Variants in NF1 observed in about 807,000 individuals in gnomAD.
NF1 encodes neurofibromin 1, also known as neurofibromin.
Under a neutral mutation model 325.7 loss-of-function variants are expected in NF1, and 122 were observed. That is an observed-to-expected ratio of 0.37 (90% CI 0.32 to 0.44). The LOEUF (loss-of-function observed/expected upper bound fraction) is 0.44, where lower values mean the gene tolerates loss of function less well. NF1 is among the 20% of genes least tolerant of loss of function. The pLI, the probability that NF1 is intolerant of heterozygous loss-of-function variation, is 1.00. For synonymous variants in NF1, 1,091 were observed against 1,186.0 expected (o/e 0.92, Z 1.65); for missense variants, 2,140 against 3,415.4 (o/e 0.63, Z 9.31).
rs2151426839 is a variant in NF1 at position 31,227,221 on chromosome 17, G to A, written c.2255G>A (p.Arg752Lys). The change falls in exon 19 of 58, where the codon AGA (arginine) becomes AAA (lysine). Residue 752 changes from arginine to lysine, a missense_variant. Physicochemically the swap from Arg to Lys is conservative, Grantham distance 26. Around this residue, in one of 10 missense-constraint regions of NF1, gnomAD observed 380 missense variants for 639.3 expected, o/e 0.59. Coordinates refer to ENST00000358273, the MANE Select transcript of NF1 (RefSeq NM_001042492.3). ...ATTTGCTGTTGTATTTGCTTAGGAAGAGCAGCACTTCAGAAAAGAGTGATG... is the reference window on the plus strand; with the variant it reads ...ATTTGCTGTTGTATTTGCTTAGGAAAAGCAGCACTTCAGAAAAGAGTGATG... ...ASVSNMMSTG[R>K]AALQKRVMAL... is the part of the protein sequence containing the mutation. 6.2e-7 allele frequency: 1 copy of A among 1,613,626 alleles called. No individual in the cohort carries two copies. Among genetic ancestry groups the A allele is most frequent in the Non-Finnish European group, 8.5e-7 (1 of 1,179,662 alleles).
chr17:31,324,483 A>G (rs984678303), intron 36 of NF1, among the ~76,000 whole-genome samples: 14 of 152,250 alleles, frequency 9.2e-5, no homozygotes, highest in African/African-American at 2.9e-4. Flanking sequence ...TGAAATATAC[A>G]ATGTTATTAT....
rs538672881 is a variant in NF1, at chr17:31,147,628, A to G, written c.61-8355A>G. Among the ~76,000 whole-genome samples the G allele has an allele frequency of 9.2e-5, 14 of 152,250 alleles. No individual in the cohort carries two copies. The South Asian group carries it at 2.9e-3, about 32-fold the overall frequency. Reference sequence around the variant, plus strand: ...GATAATGCCAGTTTCCAAGGTAAGTACTGAGTTACATGCCTACTAGTAGCT... The same window carrying G: ...GATAATGCCAGTTTCCAAGGTAAGTGCTGAGTTACATGCCTACTAGTAGCT... On this transcript the variant is annotated intron_variant, in intron 1 of 57. Coordinates refer to ENST00000358273, the MANE Select transcript of NF1 (RefSeq NM_001042492.3).
intron 5 of NF1, among the ~76,000 whole-genome samples, chr17:31,173,040 G>T (rs1202688001): frequency 6.6e-6 from 1 of 152,084 alleles, no homozygotes; most frequent in Non-Finnish European, 1.5e-5. Context: ...CCAGCACTTT[G>T]TTAGGCTAAG....
At chr17:31,326,918 T>G (rs1157342791) in intron 37 of NF1, among the ~76,000 whole-genome samples, 1 of 152,016 alleles carries the variant, frequency 6.6e-6, no homozygotes, top group East Asian at 1.9e-4. Context: ...TCTATAAGAT[T>G]GTTTGTTTTG....
intron 36 of NF1, among the ~76,000 whole-genome samples, chr17:31,322,127 AC>A (rs2069215919): frequency 6.9e-6 from 1 of 144,644 alleles, no homozygotes; most frequent in African/African-American, 2.5e-5. Flanking sequence ...ACACACACAC[AC>A]AACTGTCAAA....
At chr17:31,340,687 T>C in intron 47 of NF1, 42 bp downstream of exon 47, 1 of 1,592,916 alleles carries the variant, frequency 6.3e-7, no homozygotes, top group Non-Finnish European at 8.6e-7. Context: ...TACTCAAATT[T>C]AGTACTCTTC....
chr17:31,178,602 T>C (rs138478384), intron 5 of NF1, among the ~76,000 whole-genome samples: 264 of 152,310 alleles, frequency 1.7e-3, no homozygotes, highest in Admixed American at 2.9e-3. Context: ...ATCACTGTGC[T>C]GTATTCAGGA....
intron 1 of NF1, among the ~76,000 whole-genome samples, chr17:31,121,418 TG>T (rs1914425952): frequency 1.0e-5 from 1 of 96,968 alleles, no homozygotes. Flanking sequence ...TTTTTTTTTT[TG>T]AGATGGAGTT....
chr17:31,135,068 G>A (rs954700222), intron 1 of NF1, among the ~76,000 whole-genome samples: 2 of 152,126 alleles, frequency 1.3e-5, no homozygotes, highest in African/African-American at 4.8e-5. Context: ...TCTTGAGTGT[G>A]ATTTTTACAT....
intron 5 of NF1, among the ~76,000 whole-genome samples, chr17:31,174,879 C>T (rs1057175123): frequency 2.6e-5 from 4 of 151,892 alleles, no homozygotes; most frequent in South Asian, 4.2e-4. Flanking sequence ...GGGAGGCCTA[C>T]GTGGGCGGAT....
intron 1 of NF1, among the ~76,000 whole-genome samples, chr17:31,102,334 GTTTTC>G (rs1912415767): frequency 7.3e-6 from 1 of 137,348 alleles, no homozygotes; most frequent in African/African-American, 2.5e-5. Flanking sequence ...AGATTTATAT[GTTTTC>G]TTTATAGCTT....
rs745846526 is a variant in NF1 at position 31,352,397 on chromosome 17, A to G, written c.7598A>G (p.Asn2533Ser). ...SLDMGQPSQA[N>S]TKKLLGTRKS... ...GACATGGGGCAACCTTCTCAGGCCA[A>G]CACTAAGAAGTTGCTTGGTTAGTTT... Residue 2533 changes from asparagine to serine, a missense_variant, in exon 51 of 58, where the codon AAC becomes AGC. Coordinates refer to ENST00000358273, the MANE Select transcript of NF1 (RefSeq NM_001042492.3). 1.2e-6 allele frequency: 2 copies of G among 1,613,036 alleles called. No homozygotes were observed. Among genetic ancestry groups the G allele is most frequent in the Non-Finnish European group, 8.5e-7 (1 of 1,179,440 alleles).
At chr17:31,305,540 C>T in intron 36 of NF1, 1 of 1,613,886 alleles carries the variant, frequency 6.2e-7, no homozygotes, top group Non-Finnish European at 8.5e-7. Flanking sequence ...GTAATTGTCT[C>T]TGTCTTTGAA....
At chr17:31,358,869 A>G (rs1006374932) in intron 55 of NF1, 100 bp from the exon 56 acceptor site, 3 of 1,143,302 alleles carry the variant, frequency 2.6e-6, no homozygotes, top group Non-Finnish European at 3.9e-6. Flanking sequence ...TTCAACATGT[A>G]CATAGGGTTT....
At chr17:31,215,849 T>C (rs1001995238) in intron 13 of NF1, among the ~76,000 whole-genome samples, 2 of 152,230 alleles carry the variant, frequency 1.3e-5, no homozygotes, top group Non-Finnish European at 2.9e-5. Context: ...AGGGAGTTTG[T>C]AACTACATGC....
At chr17:31,281,062 G>T (rs1052084630) in intron 36 of NF1, among the ~76,000 whole-genome samples, 5 of 152,176 alleles carry the variant, frequency 3.3e-5, no homozygotes, top group African/African-American at 1.2e-4. Flanking sequence ...AAAGTCACTG[G>T]CTTATAAAAA....
intron 11 of NF1, among the ~76,000 whole-genome samples, chr17:31,202,180 G>A (rs1266888156): frequency 6.6e-6 from 1 of 152,120 alleles, no homozygotes; most frequent in East Asian, 1.9e-4. Context: ...TTCTGTTCTT[G>A]TAATAATGAA....
chr17:31,256,070 C>A (rs568368999), intron 31 of NF1, among the ~76,000 whole-genome samples: 1 of 152,000 alleles, frequency 6.6e-6, no homozygotes, highest in Admixed American at 6.6e-5. Flanking sequence ...AGTTTTTAAT[C>A]CTTTTCCCTC....
intron 36 of NF1, among the ~76,000 whole-genome samples, chr17:31,284,083 T>G (rs2068176802): frequency 6.6e-6 from 1 of 152,170 alleles, no homozygotes; most frequent in African/African-American, 2.4e-5. Flanking sequence ...CATCTGTTGC[T>G]CTGTAAAAAG....
Sources: allele counts gnomAD v4.1 joint callset (sites outside exome capture counted in the v4.1 genomes callset), GRCh38; gene constraint gnomAD v4.1.1; regional missense constraint gnomAD v4.1.1; transcripts MANE v1.5; gene names NCBI Gene and HGNC (gene_info 2026-07-23, HGNC 2026-07-21).